Variants in UPRT observed in about 807,000 individuals in gnomAD.
UPRT encodes the protein RP11-311P8.3.
In UPRT, 5 loss-of-function variants were observed where a neutral mutation model predicts 22.6. The ratio of observed to expected loss-of-function variants is 0.22; its 90% CI spans 0.12 to 0.47. The LOEUF is 0.47. UPRT is among the 20% of genes least tolerant of loss of function. UPRT has a pLI of 0.99. For synonymous variants in UPRT, 77 were observed against 87.7 expected (o/e 0.88, Z 0.68); for missense variants, 181 against 239.9 (o/e 0.75, Z 1.62).
At chrX:75,162,941 T>C (rs1305291948) in intron 2 of UPRT, among the ~76,000 whole-genome samples, 8 of 112,015 alleles carry the variant, frequency 7.1e-5, no homozygotes, top group African/African-American at 2.3e-4. Flanking sequence ...ACTTTGTGGC[T>C]AAAAACAACA....
At chrX:75,239,729 G>A (rs1009650434) in intron 4 of UPRT, among the ~76,000 whole-genome samples, 1 of 111,198 alleles carries the variant, frequency 9.0e-6, no homozygotes, top group Non-Finnish European at 1.9e-5. Context: ...AATTCAACAC[G>A]ATACCACAAA....
intron 4 of UPRT, among the ~76,000 whole-genome samples, chrX:75,180,836 C>A (rs1398985261): frequency 4.7e-5 from 5 of 105,733 alleles, no homozygotes; most frequent in Non-Finnish European, 9.6e-5. Flanking sequence ...TTGATAGTTT[C>A]TTTTGGTGTG....
At chrX:75,206,273 G>T (rs776896423) in intron 4 of UPRT, among the ~76,000 whole-genome samples, 1 of 111,226 alleles carries the variant, frequency 9.0e-6, no homozygotes, top group African/African-American at 3.3e-5. Flanking sequence ...TTGTTAGAAG[G>T]TACCAAACTT....
intron 1 of UPRT, among the ~76,000 whole-genome samples, chrX:75,285,240 A>G (rs947497716): frequency 9.0e-6 from 1 of 111,653 alleles, no homozygotes; most frequent in Non-Finnish European, 1.9e-5. Context: ...GTTGAGAAAG[A>G]AAAACTTCTT....
intron 4 of UPRT, among the ~76,000 whole-genome samples, chrX:75,191,474 T>TGCTGGGAGAACAAC (rs61284215): frequency 9.4e-6 from 1 of 106,319 alleles, no homozygotes; most frequent in South Asian, 4.6e-4. Flanking sequence ...TCAAACTCTG[T>TGCTGGGAGAACAAC]TACTCTCTTC....
At position 75,182,205 on chromosome X, in the gene UPRT, G is replaced by A. The variant is rs777537490; in HGVS notation, c.-447+14326G>A. On this transcript the variant is annotated intron_variant, in intron 4 of 13. Coordinates refer to the UPRT transcript ENST00000652605. ...CAACCCCACATCCTGGGGATAAAGC[G>A]TACTTGATCATGGTGGATTAGCATT... Among the ~76,000 whole-genome samples the A allele has an allele frequency of 7.1e-4, 80 of 111,993 alleles. 2 individuals are homozygous for A. In the South Asian group the frequency reaches 0.019, roughly 26 times the overall value.
upstream of UPRT, among the ~76,000 whole-genome samples, chrX:75,270,266 A>G (rs1052192240): frequency 8.9e-6 from 1 of 111,768 alleles, no homozygotes; most frequent in Non-Finnish European, 1.9e-5. Context: ...CGGATGCTGG[A>G]GAGGATGTGG....
At chrX:75,250,117 T>C (rs1354428570) in intron 4 of UPRT, among the ~76,000 whole-genome samples, 2 of 111,721 alleles carry the variant, frequency 1.8e-5, no homozygotes, top group East Asian at 2.8e-4. Flanking sequence ...AGGAAAGATC[T>C]AAAATTGACA....
chrX:75,231,895 G>A (rs1223252701), intron 4 of UPRT, among the ~76,000 whole-genome samples: 1 of 112,166 alleles, frequency 8.9e-6, no homozygotes, highest in African/African-American at 3.2e-5. Flanking sequence ...CAAATGCTAA[G>A]AGAATTTGCC....
intron 4 of UPRT, among the ~76,000 whole-genome samples, chrX:75,235,852 G>A (rs1198929907): frequency 1.8e-5 from 2 of 111,652 alleles, no homozygotes; most frequent in African/African-American, 6.5e-5. Flanking sequence ...TACTGAATGG[G>A]CAAAAACTGG....
Position 75,299,736 on chromosome X carries a change from T to C in UPRT, c.564T>C (p.Gly188=), listed in dbSNP as rs1284615340. The C allele has an allele frequency of 8.3e-7, 1 of 1,200,409 alleles. No homozygotes were observed. Among genetic ancestry groups the C allele is most frequent in the Admixed American group, 2.2e-5 (1 of 44,867 alleles). The part of the protein sequence containing the change: ...GNCGVSIMRS[G]EAMEQGLRDC... ...TTTCTTTCTTTTTTCTTCTTCAAGGTGAGGCAATGGAACAAGGTTTACGAG... is the reference window on the plus strand; with the variant it reads ...TTTCTTTCTTTTTTCTTCTTCAAGGCGAGGCAATGGAACAAGGTTTACGAG... Residue 188 remains glycine (G), a splice_region_variant and synonymous_variant, in exon 5 of 7, where the codon GGT becomes GGC. Transcript: ENST00000373383.
At chrX:75,255,220 T>A (rs1602476656) in intron 4 of UPRT, among the ~76,000 whole-genome samples, 1 of 111,364 alleles carries the variant, frequency 9.0e-6, no homozygotes, top group East Asian at 2.8e-4. Context: ...AACAAAAAAA[T>A]TATCATCAGC....
At chrX:75,159,208 A>G (rs2082191801) in intron 1 of UPRT, among the ~76,000 whole-genome samples, 1 of 111,731 alleles carries the variant, frequency 9.0e-6, no homozygotes. Context: ...GAGTGAGAAC[A>G]TGTGGTATTT....
chrX:75,268,278 C>CA (rs1003079099), intron 4 of UPRT, among the ~76,000 whole-genome samples: 25 of 110,489 alleles, frequency 2.3e-4, no homozygotes, highest in African/African-American at 7.2e-4. Flanking sequence ...AGCCTACCAA[C>CA]AAAAAAAAGT....
At chrX:75,225,323 C>CCACACA (rs57493246) in intron 4 of UPRT, among the ~76,000 whole-genome samples, 16,672 of 81,734 alleles carry the variant, frequency 0.2, 1,865 homozygotes, top group East Asian at 0.61. Flanking sequence ...AAACCAAAAA[C>CCACACA]CACACACACA....
chrX:75,252,190 A>G (rs1197400843), intron 4 of UPRT, among the ~76,000 whole-genome samples: 1 of 112,462 alleles, frequency 8.9e-6, no homozygotes, highest in African/African-American at 3.2e-5. Context: ...AGCAATGGCA[A>G]CAAAAGCCAA....
intron 4 of UPRT, among the ~76,000 whole-genome samples, chrX:75,179,116 T>A (rs1288621563): frequency 9.0e-6 from 1 of 111,280 alleles, no homozygotes; most frequent in Non-Finnish European, 1.9e-5. Context: ...TCATAAACCT[T>A]GAGCTAAACA....
At chrX:75,270,525 A>T (rs1181643819), upstream of UPRT, among the ~76,000 whole-genome samples, 1 of 112,009 alleles carries the variant, frequency 8.9e-6, no homozygotes, top group South Asian at 3.7e-4. Context: ...TCAATTTTAG[A>T]CTGGATAAAG....
At chrX:75,209,772 G>C (rs1018144458) in intron 4 of UPRT, among the ~76,000 whole-genome samples, 8 of 112,461 alleles carry the variant, frequency 7.1e-5, no homozygotes, top group African/African-American at 1.3e-4. Flanking sequence ...CTAAAAACAG[G>C]CTTCTGGCAG....
Sources: allele counts gnomAD v4.1 joint callset (sites outside exome capture counted in the v4.1 genomes callset), GRCh38; gene constraint gnomAD v4.1.1; transcripts MANE v1.5; gene names NCBI Gene and HGNC (gene_info 2026-07-23, HGNC 2026-07-21).